The following PKNOX2 variants were observed in gnomAD, a reference collection of about 807,000 sequenced individuals.
PKNOX2 encodes PBX/knotted 1 homeobox 2, also known as homeobox protein PKNOX2.
PKNOX2 carries 14 observed loss-of-function variants against 53.1 expected under a neutral mutation model. That is an observed-to-expected ratio of 0.26 (90% CI 0.17 to 0.41). PKNOX2 has a LOEUF of 0.41. PKNOX2 is among the 10% of genes least tolerant of loss of function. The probability of loss-of-function intolerance (pLI) is 1.00; values close to 1 mark genes in which losing one functional copy is unlikely to be tolerated. For missense variants in PKNOX2, 496 were observed against 602.8 expected (o/e 0.82, Z 1.85); for synonymous variants, 257 against 242.8 (o/e 1.06, Z -0.54).
chr11:125,412,001 A>G, intron 10 of PKNOX2, 136 bp downstream of exon 10: 2 of 1,412,924 alleles, frequency 1.4e-6, no homozygotes, highest in South Asian at 2.7e-5. Flanking sequence ...TCTGATAGGA[A>G]TGACATCTGG....
At chr11:125,219,933 G>T (rs1370593126) in intron 1 of PKNOX2, among the ~76,000 whole-genome samples, 1 of 152,178 alleles carries the variant, frequency 6.6e-6, no homozygotes, top group Non-Finnish European at 1.5e-5. Flanking sequence ...TATAGGAAAT[G>T]ACATATGTCT....
chr11:125,194,019 A>C (rs1436919616), intron 1 of PKNOX2, among the ~76,000 whole-genome samples: 3 of 152,204 alleles, frequency 2.0e-5, no homozygotes, highest in Non-Finnish European at 4.4e-5. Context: ...GTTGGGAGCT[A>C]TTCCAAGCTC....
At chr11:125,368,098 A>G in intron 5 of PKNOX2, 113 bp downstream of exon 5, 2 of 1,323,116 alleles carry the variant, frequency 1.5e-6, no homozygotes, top group Non-Finnish European at 2.0e-6. Context: ...GACGGCCAAT[A>G]GCTATTCTCC....
intron 1 of PKNOX2, among the ~76,000 whole-genome samples, chr11:125,188,915 C>T (rs1372557624): frequency 6.6e-6 from 1 of 151,638 alleles, no homozygotes; most frequent in African/African-American, 2.4e-5. Flanking sequence ...CGTGAAAGGA[C>T]GTGGCACCCT....
In PKNOX2 at chr11:125,431,922, G is replaced by A. The variant is rs1275777739; in HGVS notation, c.*530G>A. The A allele has an allele frequency of 1.9e-5, 3 of 156,988 alleles. No individual in the cohort carries two copies. Among genetic ancestry groups the A allele is most frequent in the African/African-American group, 4.8e-5 (2 of 41,370 alleles). The allele number at this position is 156,988 out of a possible 1,614,324, so 9.7% of individuals were successfully genotyped here. A position where few individuals can be genotyped will look rare whatever the true frequency, so the allele number is the denominator to read the frequency against. On this transcript the variant is annotated 3_prime_UTR_variant, in exon 13 of 13. Coordinates refer to ENST00000298282, the MANE Select transcript of PKNOX2 (RefSeq NM_001382323.2). ...GCATAACCAGTGGCCAGAGGAGTGG[G>A]AGGGCCTGAGGCATCACATCTTGCA...
At chr11:125,351,618 C>G (rs770583785) in intron 4 of PKNOX2, among the ~76,000 whole-genome samples, 8 of 152,182 alleles carry the variant, frequency 5.3e-5, no homozygotes, top group Non-Finnish European at 1.0e-4. Context: ...GGAGCTAGGA[C>G]TGGAAGCTAG....
chr11:125,381,641 C>A (rs1953234676), intron 5 of PKNOX2, among the ~76,000 whole-genome samples: 1 of 152,068 alleles, frequency 6.6e-6, no homozygotes, highest in African/African-American at 2.4e-5. Flanking sequence ...CTGTATGTGA[C>A]AATGCCTCCC....
intron 2 of PKNOX2, among the ~76,000 whole-genome samples, chr11:125,292,562 T>C (rs1202803361): frequency 1.3e-5 from 2 of 152,180 alleles, no homozygotes; most frequent in Non-Finnish European, 2.9e-5. Flanking sequence ...AAAGTCAAGA[T>C]CCATTTGTGT....
intron 1 of PKNOX2, among the ~76,000 whole-genome samples, chr11:125,213,928 G>A (rs931737174): frequency 3.3e-5 from 5 of 152,058 alleles, no homozygotes; most frequent in African/African-American, 7.2e-5. Flanking sequence ...CTCAGTCCTC[G>A]CAGAAGGAGG....
At chr11:125,178,215 G>A (rs1955837056) in intron 1 of PKNOX2, among the ~76,000 whole-genome samples, 1 of 152,082 alleles carries the variant, frequency 6.6e-6, no homozygotes, top group Non-Finnish European at 1.5e-5. Flanking sequence ...CAGTGGCAGA[G>A]GGTTAGAAAC....
Position 125,429,047 on chromosome 11 carries a change from C to T in PKNOX2, c.972C>T (p.Ile324=), listed in dbSNP as rs1258026081. 4.3e-6 allele frequency: 7 copies of T among 1,613,812 alleles called. No homozygotes were observed. In the South Asian group the frequency reaches 4.4e-5, roughly 10 times the overall value. Residue 324 remains isoleucine, a synonymous_variant, in exon 11 of 13, where the codon ATC becomes ATT. Transcript: ENST00000298282. ...PYPTEDEKRQ[I]AAQTNLTLLQ... ...CCACGGAGGATGAGAAGAGGCAGAT[C>T]GCAGCCCAGACCAACCTCACCCTCC...
At chr11:125,250,038 C>G (rs11219988) in intron 2 of PKNOX2, among the ~76,000 whole-genome samples, 31,382 of 140,274 alleles carry the variant, frequency 0.22, 3,716 homozygotes, top group East Asian at 0.48. Context: ...GCATTCCAGC[C>G]TGGGCAACAG....
chr11:125,227,180 T>G (rs1246341447), intron 1 of PKNOX2, among the ~76,000 whole-genome samples: 2 of 152,202 alleles, frequency 1.3e-5, no homozygotes, highest in African/African-American at 4.8e-5. Context: ...AATGACACCC[T>G]GCGCTGGCTG....
chr11:125,353,882 G>C (rs570941621), intron 4 of PKNOX2, among the ~76,000 whole-genome samples: 3 of 152,110 alleles, frequency 2.0e-5, no homozygotes, highest in Non-Finnish European at 4.4e-5. Flanking sequence ...CAAGGAAACC[G>C]AGCAGGATGT....
At chr11:125,284,669 G>A (rs900334152) in intron 2 of PKNOX2, among the ~76,000 whole-genome samples, 1 of 152,086 alleles carries the variant, frequency 6.6e-6, no homozygotes, top group African/African-American at 2.4e-5. Flanking sequence ...CCAGGCTACC[G>A]AGTGCTTGAG....
chr11:125,391,626 C>T (rs1028352525), intron 6 of PKNOX2, among the ~76,000 whole-genome samples: 19 of 152,220 alleles, frequency 1.2e-4, no homozygotes, highest in African/African-American at 2.4e-4. Flanking sequence ...GGACATCAGA[C>T]GACATGGCTT....
intron 1 of PKNOX2, among the ~76,000 whole-genome samples, chr11:125,192,606 C>G (rs1192757098): frequency 6.6e-6 from 1 of 152,180 alleles, no homozygotes; most frequent in Non-Finnish European, 1.5e-5. Flanking sequence ...TAACAGCCAC[C>G]CTTTATTGAG....
chr11:125,314,479 G>T (rs1949030692), intron 2 of PKNOX2, among the ~76,000 whole-genome samples: 1 of 152,142 alleles, frequency 6.6e-6, no homozygotes, highest in Non-Finnish European at 1.5e-5. Context: ...CCTCCTGGGA[G>T]CATGCTGCTT....
intron 12 of PKNOX2, among the ~76,000 whole-genome samples, chr11:125,430,436 G>A (rs1283563224): frequency 6.6e-6 from 1 of 152,178 alleles, no homozygotes; most frequent in Non-Finnish European, 1.5e-5. Flanking sequence ...GCACCAGTAA[G>A]TATCTGCACA....
Sources: allele counts gnomAD v4.1 joint callset (sites outside exome capture counted in the v4.1 genomes callset), GRCh38; gene constraint gnomAD v4.1.1; transcripts MANE v1.5; gene names NCBI Gene and HGNC (gene_info 2026-07-23, HGNC 2026-07-21).